Variants in ZBTB20 observed in about 807,000 individuals in gnomAD.
ZBTB20 encodes zinc finger and BTB domain-containing protein 20.
A neutral mutation model predicts 56.9 loss-of-function variants in ZBTB20; 9 were observed. That is an observed-to-expected ratio of 0.16 (90% CI 0.10 to 0.28). The LOEUF is 0.28. ZBTB20 is among the 10% of genes least tolerant of loss of function. The probability of loss-of-function intolerance (pLI) is 1.00; values close to 1 mark genes in which losing one functional copy is unlikely to be tolerated. For synonymous variants in ZBTB20, 417 were observed against 420.7 expected, an observed-to-expected ratio of 0.99 and a Z score of 0.11; for missense variants, 655 against 1,003.0, an observed-to-expected ratio of 0.65 and a Z score of 4.69.
intron 2 of ZBTB20, among the ~76,000 whole-genome samples, chr3:114,992,417 T>C (rs2078855080): frequency 6.6e-6 from 1 of 152,012 alleles, no homozygotes. Flanking sequence ...TGTATCTCTC[T>C]TTCTTTTCAT....
intron 1 of ZBTB20, among the ~76,000 whole-genome samples, chr3:115,116,992 T>A (rs2084038713): frequency 6.6e-6 from 1 of 152,056 alleles, no homozygotes; most frequent in Non-Finnish European, 1.5e-5. Flanking sequence ...TCTGTAAAAA[T>A]TACAGCAAAT....
intron 5 of ZBTB20, among the ~76,000 whole-genome samples, chr3:114,731,894 C>T (rs984542131): frequency 1.4e-4 from 21 of 150,686 alleles, no homozygotes; most frequent in Non-Finnish European, 2.8e-4. Context: ...GTAACTAATC[C>T]GGCTGTGCCT....
intron 6 of ZBTB20, among the ~76,000 whole-genome samples, chr3:114,638,888 G>C (rs913955340): frequency 6.6e-6 from 1 of 152,018 alleles, no homozygotes; most frequent in South Asian, 2.1e-4. Flanking sequence ...TTAAAGGAGA[G>C]ATGATATAAA....
chr3:114,806,826 C>T (rs1220527462), intron 4 of ZBTB20, among the ~76,000 whole-genome samples: 1 of 151,896 alleles, frequency 6.6e-6, no homozygotes, highest in African/African-American at 2.4e-5. Flanking sequence ...TCATTTATAT[C>T]GCATATAATC....
In ZBTB20 at chr3:114,896,395, T is replaced by C. The variant is rs374743716; in HGVS notation, c.-417+3909A>G. Reference sequence around the variant, plus strand: ...GGACAGGCAAAATGTGGTATATACATGCAATTAATTATTATTCAGCCATAA... The same window carrying C: ...GGACAGGCAAAATGTGGTATATACACGCAATTAATTATTATTCAGCCATAA... On this transcript the variant is annotated intron_variant, in intron 4 of 11. Transcript: ENST00000675478. Among the ~76,000 whole-genome samples, 17 of 152,256 alleles carry C rather than the reference T, an allele frequency of 1.1e-4. No individual in the cohort carries two copies. The South Asian group carries it at 2.3e-3, about 20-fold the overall frequency.
At chr3:114,728,670 T>C (rs1425194726) in intron 5 of ZBTB20, among the ~76,000 whole-genome samples, 2 of 152,172 alleles carry the variant, frequency 1.3e-5, no homozygotes, top group Non-Finnish European at 2.9e-5. Flanking sequence ...TGAATAGTGG[T>C]CAGGTTTTCT....
intron 5 of ZBTB20, among the ~76,000 whole-genome samples, chr3:114,766,137 G>A (rs2068768507): frequency 6.6e-6 from 1 of 152,114 alleles, no homozygotes; most frequent in Non-Finnish European, 1.5e-5. Context: ...CATTCATCCA[G>A]ATGAGAAGTT....
intron 6 of ZBTB20, among the ~76,000 whole-genome samples, chr3:114,504,872 G>C (rs1440661611): frequency 6.6e-6 from 1 of 152,168 alleles, no homozygotes; most frequent in East Asian, 1.9e-4. Flanking sequence ...TTAGGAAACA[G>C]CTCAGATCAT....
chr3:114,853,348 G>A (rs569336225), intron 4 of ZBTB20, among the ~76,000 whole-genome samples: 57 of 152,262 alleles, frequency 3.7e-4, no homozygotes, highest in East Asian at 2.1e-3. Flanking sequence ...TCTAAATTTC[G>A]AAATATCCCA....
At chr3:115,041,062 G>T (rs1341778252) in intron 2 of ZBTB20, among the ~76,000 whole-genome samples, 1 of 152,160 alleles carries the variant, frequency 6.6e-6, no homozygotes, top group African/African-American at 2.4e-5. Context: ...TAAAGCCCAT[G>T]TTGGTGCATG....
chr3:114,382,941 G>A (rs766274826), intron 8 of ZBTB20, among the ~76,000 whole-genome samples: 8 of 152,194 alleles, frequency 5.3e-5, no homozygotes, highest in Non-Finnish European at 1.0e-4. Flanking sequence ...CCCTCCCAGA[G>A]TTTACTGCCT....
Position 115,125,002 on chromosome 3 carries a change from G to T in ZBTB20, c.-703+22217C>A, listed in dbSNP as rs1022155168. ...CACGAGTTTACCTATAAACAAACCT[G>T]CACATGTACCCCTGAACTTAAAGTT... On this transcript the variant is annotated intron_variant, in intron 1 of 11. Coordinates refer to ENST00000675478, the MANE Select transcript of ZBTB20 (RefSeq NM_001348800.3). 5.9e-5 allele frequency among the ~76,000 whole-genome samples: 9 copies of T among 151,452 alleles called. 1 individual carries two copies. Among genetic ancestry groups the T allele is most frequent in the Admixed American group, 4.6e-4 (7 of 15,184 alleles).
intron 6 of ZBTB20, among the ~76,000 whole-genome samples, chr3:114,575,853 C>A (rs1282034539): frequency 6.6e-6 from 1 of 152,150 alleles, no homozygotes; most frequent in Non-Finnish European, 1.5e-5. Context: ...ATGAATGGAC[C>A]TAACTTTGAT....
rs143976090 is a variant in ZBTB20, at chr3:114,789,736, G to C, written c.-343+11365C>G. 8.5e-5 allele frequency among the ~76,000 whole-genome samples: 13 copies of C among 152,248 alleles called. No homozygotes were observed. The East Asian group carries it at 2.5e-3, about 29-fold the overall frequency. ...CAGTTACAAGGATAATTAATATCTA[G>C]ATTATAAGGATCTGCTATTATAAAA... On this transcript the variant is annotated intron_variant, in intron 5 of 11. Coordinates refer to ENST00000675478, the MANE Select transcript of ZBTB20 (RefSeq NM_001348800.3).
At chr3:115,019,289 CA>C (rs947135651) in intron 2 of ZBTB20, among the ~76,000 whole-genome samples, 2 of 150,944 alleles carry the variant, frequency 1.3e-5, no homozygotes, top group African/African-American at 4.9e-5. Context: ...TGATCATATT[CA>C]GGGGTTGTTT....
intron 6 of ZBTB20, among the ~76,000 whole-genome samples, chr3:114,596,107 G>T (rs78433149): frequency 0.037 from 5,704 of 152,108 alleles, 337 homozygotes; most frequent in African/African-American, 0.13. Context: ...TCTCTAACAC[G>T]AGGCTCACAC....
chr3:114,938,533 G>A (rs1159135593), intron 3 of ZBTB20, among the ~76,000 whole-genome samples: 1 of 146,220 alleles, frequency 6.8e-6, no homozygotes, highest in Non-Finnish European at 1.5e-5. Flanking sequence ...GGACATGGAT[G>A]AAGCTGGAAA....
intron 5 of ZBTB20, among the ~76,000 whole-genome samples, chr3:114,785,777 G>A (rs1242967473): frequency 6.6e-6 from 1 of 152,118 alleles, no homozygotes; most frequent in African/African-American, 2.4e-5. Flanking sequence ...GTGAGTATGT[G>A]TGTGTGCTGA....
At chr3:114,874,944 G>T (rs1179584082) in intron 4 of ZBTB20, among the ~76,000 whole-genome samples, 1 of 152,122 alleles carries the variant, frequency 6.6e-6, no homozygotes, top group Non-Finnish European at 1.5e-5. Flanking sequence ...ATGCTACAGG[G>T]GGGAGGAGCT....
Sources: gnomAD v4.1 joint callset for allele counts (sites outside exome capture counted in the v4.1 genomes callset) on GRCh38, gnomAD v4.1.1 for gene constraint, MANE v1.5 for transcripts, NCBI Gene and HGNC (gene_info 2026-07-23, HGNC 2026-07-21) for gene names.